CADM4: variants seen among roughly 807,000 people sequenced by gnomAD.
The protein encoded by CADM4 is TSLC1-like 2.
A neutral mutation model predicts 43.9 loss-of-function variants in CADM4; 13 were observed. The observed-to-expected ratio is 0.30, with a 90% CI of 0.19 to 0.47. The LOEUF (loss-of-function observed/expected upper bound fraction) is 0.47, where lower values mean the gene tolerates loss of function less well. CADM4 is among the 20% of genes least tolerant of loss of function. The pLI is 1.00. For synonymous variants in CADM4, 209 were observed against 220.9 expected (o/e 0.95, Z 0.48); for missense variants, 420 against 527.0 (o/e 0.80, Z 1.99).
Position 43,627,114 on chromosome 19 carries a change from A to G in CADM4, c.364+52T>C. 1 of 1,517,308 alleles carries G rather than the reference A, an allele frequency of 6.6e-7. No individual in the cohort carries two copies. Among genetic ancestry groups the G allele is most frequent in the Non-Finnish European group, 8.9e-7 (1 of 1,128,368 alleles). 94.0% of individuals were successfully genotyped at this position (1,517,308 alleles called of 1,614,324 possible). On this transcript the variant is annotated intron_variant, in intron 3 of 8. Coordinates refer to ENST00000222374, the MANE Select transcript of CADM4 (RefSeq NM_145296.2). This position sits in a 1 kb window ranked among gnomAD's most constrained non-coding sequence, Gnocchi z 4.0. ...GTCTGAAAGTCTCAGGAGAAGAGAGAAGCAGAGAAGAAAGGAGGAGAGGAT... is the reference window on the plus strand; with the variant it reads ...GTCTGAAAGTCTCAGGAGAAGAGAGGAGCAGAGAAGAAAGGAGGAGAGGAT...
chr19:43,631,714 T>G (rs1973628254), intron 1 of CADM4, among the ~76,000 whole-genome samples: 1 of 152,164 alleles, frequency 6.6e-6, no homozygotes, highest in Non-Finnish European at 1.5e-5. Context: ...TTGTGCCACC[T>G]GGAACTAACA....
At chr19:43,635,183 G>A (rs893012752) in intron 1 of CADM4, among the ~76,000 whole-genome samples, 1 of 151,926 alleles carries the variant, frequency 6.6e-6, no homozygotes, top group Admixed American at 6.6e-5. Context: ...AATACCCAAG[G>A]GAGTCTCAAG....
chr19:43,635,842 T>C (rs188329172), intron 1 of CADM4, among the ~76,000 whole-genome samples: 2,317 of 20,264 alleles, frequency 0.11, 11 homozygotes, highest in Middle Eastern at 0.28. Context: ...TCCCTCAGAC[T>C]CAGGAGTCTA....
Position 43,625,065 on chromosome 19 carries a change from A to T in CADM4, c.928+13T>A, listed in dbSNP as rs1222522328. 1.8e-6 allele frequency: 2 copies of T among 1,104,068 alleles called. No homozygotes were observed. Among genetic ancestry groups the T allele is most frequent in the Non-Finnish European group, 1.2e-6 (1 of 831,988 alleles). 68.4% of individuals were successfully genotyped at this position (1,104,068 alleles called of 1,614,324 possible). On this transcript the variant is annotated intron_variant, in intron 7 of 8. Transcript: ENST00000222374. The surrounding 1 kb of genome is among the most constrained non-coding windows in gnomAD (Gnocchi z 4.5). ...CCCGCCCCCGCCCTCAGTCGGCCGC[A>T]GCCTGCTCTCACCGTAGACCACAAG...
rs1051641182 is a variant in CADM4 at position 43,627,179 on chromosome 19, C to T, written c.351G>A (p.Thr117=). The part of the protein sequence containing the change: ...YTEDTHHQIA[T]LTVLVAPENP... ...GGAGGGCGTTACCTAGTACCGTGAG[C>T]GTGGCAATCTGGTGGTGGGTGTCTT... Residue 117 remains threonine (T), a synonymous_variant, in exon 3 of 9, where the codon ACG becomes ACA. Transcript: ENST00000222374. The surrounding 1 kb of genome is among the most constrained non-coding windows in gnomAD (Gnocchi z 4.0). 6.3e-7 allele frequency: 1 copy of T among 1,598,822 alleles called. No homozygotes were observed. Among genetic ancestry groups the T allele is most frequent in the Non-Finnish European group, 8.5e-7 (1 of 1,171,076 alleles).
chr19:43,637,681 G>A (rs1175025252), intron 1 of CADM4, among the ~76,000 whole-genome samples: 1 of 152,180 alleles, frequency 6.6e-6, no homozygotes, highest in Non-Finnish European at 1.5e-5. Context: ...ACCAGAGAAA[G>A]GCTTTTGCAC....
rs1395379939 is a variant in CADM4 at position 43,639,734 on chromosome 19, C to A, written c.57G>T (p.Ala19=). 3.0e-6 allele frequency: 3 copies of A among 1,013,288 alleles called. No homozygotes were observed. The highest frequency in any genetic ancestry group is 5.2e-5 in the Admixed American group (1 of 19,186). The allele number at this position is 1,013,288 out of a possible 1,614,324, so 62.8% of individuals were successfully genotyped here. Residue 19 remains alanine (A), a synonymous_variant, in exon 1 of 9, where the codon GCG becomes GCT. Transcript: ENST00000222374. The part of the protein sequence containing the change: ...WPLLLLWAAA[A]GPGAGQEVQT... The stretch of plus-strand genomic sequence containing the variant: ...CCCGGCCCCCGACCCTACCTGGCCC[C>A]GCCGCGGCCGCCCACAGCAGCAGCA...
intron 7 of CADM4, among the ~76,000 whole-genome samples, chr19:43,624,590 C>T (rs1178287799): frequency 1.3e-5 from 2 of 152,304 alleles, no homozygotes; most frequent in Middle Eastern, 3.4e-3. Flanking sequence ...GAGGCGTGAG[C>T]GACCGCACCC....
At chr19:43,633,088 AAAAG>A (rs1198813941) in intron 1 of CADM4, among the ~76,000 whole-genome samples, 43 of 151,504 alleles carry the variant, frequency 2.8e-4, no homozygotes, top group African/African-American at 9.7e-4. Flanking sequence ...AAAAAAAAAA[AAAAG>A]AGACAGGGTA....
intron 1 of CADM4, among the ~76,000 whole-genome samples, chr19:43,635,636 C>A (rs1913117538): frequency 6.6e-6 from 1 of 151,114 alleles, no homozygotes. Context: ...AGACCCCAGC[C>A]TCCTCCTCCC....
Position 43,626,094 on chromosome 19 carries a change from C to T in CADM4, c.664+30G>A. ...GGGTGCGGGTGGCTGGCGTTGGGAT[C>T]CCTTGGGTCCTGGCCCGCCGGTCAC... On this transcript the variant is annotated intron_variant, in intron 5 of 8. Transcript: ENST00000222374. The surrounding 1 kb of genome is among the most constrained non-coding windows in gnomAD (Gnocchi z 5.9). 2.5e-6 allele frequency: 4 copies of T among 1,612,240 alleles called. No individual in the cohort carries two copies. The highest frequency in any genetic ancestry group is 1.3e-5 in the African/African-American group (1 of 74,992).
chr19:43,641,382 T>C (rs1973769753), upstream of CADM4, among the ~76,000 whole-genome samples: 1 of 152,284 alleles, frequency 6.6e-6, no homozygotes, highest in African/African-American at 2.4e-5. Context: ...CTTTCTGACC[T>C]CAAAACCATA....
In CADM4 at chr19:43,627,800, T is replaced by C. The variant is rs1335258397; in HGVS notation, c.65-10A>G. On this transcript the variant is annotated splice_polypyrimidine_tract_variant and intron_variant, in intron 1 of 8. Coordinates refer to ENST00000222374, the MANE Select transcript of CADM4 (RefSeq NM_145296.2). The surrounding 1 kb of genome is among the most constrained non-coding windows in gnomAD (Gnocchi z 4.0). Reference sequence around the variant, plus strand: ...ACTTCCTGTCCTGCCCCTGGACGATTAGACAAAGAGACAGGATAGAAGACT... The same window carrying C: ...ACTTCCTGTCCTGCCCCTGGACGATCAGACAAAGAGACAGGATAGAAGACT... The C allele has an allele frequency of 4.4e-6, 7 of 1,603,316 alleles. No homozygotes were observed. Among genetic ancestry groups the C allele is most frequent in the Non-Finnish European group, 6.0e-6 (7 of 1,171,136 alleles).
At chr19:43,629,934 T>G (rs1973592369) in intron 1 of CADM4, among the ~76,000 whole-genome samples, 1 of 151,358 alleles carries the variant, frequency 6.6e-6, no homozygotes, top group South Asian at 2.1e-4. Context: ...ATTATTATTT[T>G]TAATTTGAGA....
chr19:43,636,088 CT>C (rs1432348452), intron 1 of CADM4, among the ~76,000 whole-genome samples: 1 of 152,020 alleles, frequency 6.6e-6, no homozygotes, highest in Admixed American at 6.5e-5. Flanking sequence ...CTCCTGAAAA[CT>C]TTTGACTCTA....
intron 1 of CADM4, among the ~76,000 whole-genome samples, chr19:43,635,851 T>C (rs1973696179): frequency 1.1e-5 from 1 of 90,434 alleles, no homozygotes; most frequent in South Asian, 4.2e-4. Flanking sequence ...CTCAGGAGTC[T>C]AAGACCCCAG....
In CADM4 at chr19:43,625,883, G is replaced by A; in HGVS notation, c.755+28C>T. On this transcript the variant is annotated intron_variant, in intron 6 of 8. Coordinates refer to ENST00000222374, the MANE Select transcript of CADM4 (RefSeq NM_145296.2). The surrounding 1 kb of genome is among the most constrained non-coding windows in gnomAD (Gnocchi z 4.5). ...TCCAGGTCCCCAGCTTTCTCCTCCT[G>A]AGGACGCAGGAGGCCCCCAGAGCTC... The A allele has an allele frequency of 6.3e-7, 1 of 1,598,694 alleles. No homozygotes were observed. The highest frequency in any genetic ancestry group is 8.6e-7 in the Non-Finnish European group (1 of 1,166,338).
Position 43,627,737 on chromosome 19 carries a change from C to G in CADM4, c.118G>C (p.Ala40Pro), listed in dbSNP as rs1293242543. 1 of 1,614,070 alleles carries G rather than the reference C, an allele frequency of 6.2e-7. No homozygotes were observed. Among genetic ancestry groups the G allele is most frequent in the Non-Finnish European group, 8.5e-7 (1 of 1,179,946 alleles). ...TGGTGCAGACGGCAGGTGATCTCAG[C>G]CACCCCACCCTCAGCCACTGTCACG... ...ENVTVAEGGV[A>P]EITCRLHQYD... The change falls in exon 2 of 9, where the codon GCT becomes CCT. Residue 40 changes from alanine to proline, a missense_variant. Coordinates refer to ENST00000222374, the MANE Select transcript of CADM4 (RefSeq NM_145296.2). The surrounding 1 kb of genome is among the most constrained non-coding windows in gnomAD (Gnocchi z 4.0).
At position 43,625,226 on chromosome 19, in the gene CADM4, G is replaced by A. The variant is rs748643378; in HGVS notation, c.780C>T (p.Arg260=). The change falls in exon 7 of 9, where the codon CGC becomes CGT. Residue 260 remains arginine, a synonymous_variant. Coordinates refer to ENST00000222374, the MANE Select transcript of CADM4 (RefSeq NM_145296.2). This position sits in a 1 kb window ranked among gnomAD's most constrained non-coding sequence, Gnocchi z 4.5. The part of the protein sequence containing the change: ...NPRPNQIRWN[R]GNESLPERAE... ...CCCTCTCCGGCAAAGACTCATTCCC[G>A]CGGTTCCAGCGGATCTGGTTTGGCC... is the stretch of plus-strand genomic sequence containing the variant. 5.0e-6 allele frequency: 8 copies of A among 1,614,108 alleles called. No individual in the cohort carries two copies. Among genetic ancestry groups the A allele is most frequent in the Non-Finnish European group, 6.8e-6 (8 of 1,179,972 alleles).
Sources: allele counts gnomAD v4.1 joint callset (sites outside exome capture counted in the v4.1 genomes callset), GRCh38; gene constraint gnomAD v4.1.1; non-coding constraint Gnocchi (gnomAD v3.1); transcripts MANE v1.5; gene names NCBI Gene and HGNC (gene_info 2026-07-23, HGNC 2026-07-21).